The following SHISA9 variants were observed in gnomAD, a reference collection of about 807,000 sequenced individuals.
The protein encoded by SHISA9 is protein shisa-9.
A neutral mutation model predicts 38.0 loss-of-function variants in SHISA9; 13 were observed. The ratio of observed to expected loss-of-function variants is 0.34; its 90% CI spans 0.22 to 0.54. SHISA9 has a LOEUF of 0.54. Among genes scored for constraint, SHISA9 ranks in the 20% least tolerant of loss-of-function variants. SHISA9 has a pLI of 0.91. For missense variants in SHISA9, 538 were observed against 575.8 expected (o/e 0.93, Z 0.67); for synonymous variants, 275 against 242.0 (o/e 1.14, Z -1.27).
chr16:13,308,225 T>TTA, the SHISA9 span, among the ~76,000 whole-genome samples: 7,522 of 151,548 alleles, frequency 0.05, 621 homozygotes, highest in African/African-American at 0.17. Context: ...TTTTTTTTTT[T>TTA]ATGTTCATCA....
intron 2 of SHISA9, among the ~76,000 whole-genome samples, chr16:13,137,466 T>A (rs1343602618): frequency 2.0e-5 from 3 of 151,992 alleles, no homozygotes; most frequent in East Asian, 1.9e-4. Flanking sequence ...TTTTTATTTT[T>A]TTTTTTTTGA....
At chr16:13,266,403 G>T in the SHISA9 span, among the ~76,000 whole-genome samples, 4 of 150,902 alleles carry the variant, frequency 2.7e-5, no homozygotes, top group East Asian at 1.9e-4. Context: ...TAAGATGAAG[G>T]CTCTCTGTCT....
chr16:12,950,166 G>A (rs142457886), intron 2 of SHISA9, among the ~76,000 whole-genome samples: 7 of 152,168 alleles, frequency 4.6e-5, no homozygotes, highest in East Asian at 1.9e-4. Flanking sequence ...TAATGTCTTC[G>A]GATTCCATCT....
chr16:13,506,194 T>C, the SHISA9 span, among the ~76,000 whole-genome samples: 1 of 152,180 alleles, frequency 6.6e-6, no homozygotes, highest in Non-Finnish European at 1.5e-5. Context: ...TGGGGAAGAT[T>C]TGTCAAGTTC....
chr16:13,146,391 A>G (rs1459476228), intron 2 of SHISA9, among the ~76,000 whole-genome samples: 1 of 151,992 alleles, frequency 6.6e-6, no homozygotes, highest in Non-Finnish European at 1.5e-5. Flanking sequence ...AATTTTTGTG[A>G]GTACATGTAG....
intron 2 of SHISA9, among the ~76,000 whole-genome samples, chr16:13,149,557 C>G (rs529587936): frequency 7.4e-4 from 112 of 152,272 alleles, no homozygotes; most frequent in African/African-American, 2.6e-3. Flanking sequence ...CTCCTTGACC[C>G]TGAGCGGATT....
chr16:13,469,302 CAGAGAGAG>C, the SHISA9 span, among the ~76,000 whole-genome samples: 1 of 46,634 alleles, frequency 2.1e-5, no homozygotes, highest in African/African-American at 9.6e-5. Context: ...GAAAGAAAGA[CAGAGAGAG>C]AGAGAGAGAG....
chr16:13,158,077 G>C (rs1393950687), intron 2 of SHISA9, among the ~76,000 whole-genome samples: 2 of 151,762 alleles, frequency 1.3e-5, no homozygotes, highest in Non-Finnish European at 2.9e-5. Context: ...GGAACCTTGG[G>C]GCCAGACCTG....
chr16:13,488,016 T>G, the SHISA9 span, among the ~76,000 whole-genome samples: 2 of 152,184 alleles, frequency 1.3e-5, no homozygotes, highest in Non-Finnish European at 2.9e-5. Flanking sequence ...GGTCAATACT[T>G]GAACTTGACT....
At chr16:13,392,160 G>C in the SHISA9 span, among the ~76,000 whole-genome samples, 1 of 152,090 alleles carries the variant, frequency 6.6e-6, no homozygotes, top group Non-Finnish European at 1.5e-5. Flanking sequence ...CACCTGTTAT[G>C]GATTAGTTGT....
At chr16:13,183,497 T>G (rs1214497898) in intron 2 of SHISA9, among the ~76,000 whole-genome samples, 2 of 152,266 alleles carry the variant, frequency 1.3e-5, no homozygotes, top group African/African-American at 4.8e-5. Context: ...CATAAAATGC[T>G]TTTTCATGGT....
intron 2 of SHISA9, among the ~76,000 whole-genome samples, chr16:13,003,862 T>A (rs997174361): frequency 8.2e-6 from 1 of 122,284 alleles, no homozygotes; most frequent in Non-Finnish European, 1.7e-5. Context: ...CGTCTCAAAA[T>A]AATAATAATA....
At chr16:13,355,863 G>A in the SHISA9 span, among the ~76,000 whole-genome samples, 3 of 152,244 alleles carry the variant, frequency 2.0e-5, no homozygotes, top group African/African-American at 7.2e-5. Flanking sequence ...CTGGGAAGGA[G>A]TCAGTCAGAA....
chr16:13,004,822 C>G (rs540899035), intron 2 of SHISA9, among the ~76,000 whole-genome samples: 1 of 151,250 alleles, frequency 6.6e-6, no homozygotes, highest in Non-Finnish European at 1.5e-5. Context: ...ATCCCAGCTA[C>G]TTGGGAGGCT....
chr16:13,365,615 C>A, the SHISA9 span, among the ~76,000 whole-genome samples: 1 of 152,012 alleles, frequency 6.6e-6, no homozygotes, highest in Non-Finnish European at 1.5e-5. Flanking sequence ...TACCACCACG[C>A]CTGGCTAATT....
chr16:13,242,051 C>G (rs976748454), downstream of SHISA9, among the ~76,000 whole-genome samples: 7 of 152,244 alleles, frequency 4.6e-5, no homozygotes, highest in African/African-American at 1.7e-4. Context: ...CAGAGCCACA[C>G]ACTGTTAAAG....
chr16:13,172,130 C>G (rs1226884293), intron 2 of SHISA9, among the ~76,000 whole-genome samples: 1 of 151,966 alleles, frequency 6.6e-6, no homozygotes, highest in African/African-American at 2.4e-5. Flanking sequence ...TATCTTGCTT[C>G]TTTTAACTTT....
At chr16:13,063,382 A>T (rs970606381) in intron 2 of SHISA9, among the ~76,000 whole-genome samples, 7 of 152,144 alleles carry the variant, frequency 4.6e-5, no homozygotes, top group African/African-American at 1.7e-4. Flanking sequence ...ATGGAAAAAA[A>T]AAACAAAATC....
At chr16:13,094,320 A>G (rs1352548174) in intron 2 of SHISA9, among the ~76,000 whole-genome samples, 1 of 152,214 alleles carries the variant, frequency 6.6e-6, no homozygotes, top group Non-Finnish European at 1.5e-5. Context: ...GCCATTAGAC[A>G]AAAGTAAGCT....
Sources: allele counts gnomAD v4.1 joint callset (sites outside exome capture counted in the v4.1 genomes callset), GRCh38; gene constraint gnomAD v4.1.1; transcripts MANE v1.5; gene names NCBI Gene and HGNC (gene_info 2026-07-23, HGNC 2026-07-21).